ASTN2: variants seen among roughly 807,000 people sequenced by gnomAD.
ASTN2 encodes astrotactin 2, also known as astrotactin-2.
A neutral mutation model predicts 139.8 loss-of-function variants in ASTN2; 54 were observed. That is an observed-to-expected ratio of 0.39 (90% CI 0.31 to 0.48). The LOEUF (loss-of-function observed/expected upper bound fraction) is 0.48. ASTN2 is among the 20% of genes least tolerant of loss of function. The probability of loss-of-function intolerance (pLI) is 0.95; values close to 1 mark genes in which losing one functional copy is unlikely to be tolerated. For synonymous variants in ASTN2, 756 were observed against 719.5 expected, an observed-to-expected ratio of 1.05 and a Z score of -0.81; for missense variants, 1,565 against 1,725.1, an observed-to-expected ratio of 0.91 and a Z score of 1.64.
At chr9:117,186,281 C>T (rs989351164) in intron 3 of ASTN2, among the ~76,000 whole-genome samples, 7 of 152,010 alleles carry the variant, frequency 4.6e-5, no homozygotes, top group African/African-American at 7.3e-5. Context: ...GCGCGGTGGC[C>T]CACGCCTGTA....
At chr9:116,486,801 C>T (rs918325911) in intron 20 of ASTN2, among the ~76,000 whole-genome samples, 16 of 152,104 alleles carry the variant, frequency 1.1e-4, no homozygotes, top group African/African-American at 2.7e-4. Flanking sequence ...TCTTGCATCT[C>T]CAGAAGTTTG....
intron 1 of ASTN2, among the ~76,000 whole-genome samples, chr9:117,299,363 G>A (rs1834818988): frequency 6.6e-6 from 1 of 152,214 alleles, no homozygotes; most frequent in Admixed American, 6.5e-5. Context: ...CTTAGTCCAA[G>A]GGGCTGAGAA....
At chr9:116,987,186 T>TG (rs1836711729) in intron 7 of ASTN2, among the ~76,000 whole-genome samples, 2 of 152,362 alleles carry the variant, frequency 1.3e-5, no homozygotes, top group South Asian at 4.1e-4. Flanking sequence ...TCCCCAGTGC[T>TG]GGGGGAAGGA....
At chr9:117,255,358 G>A (rs900868389) in intron 2 of ASTN2, among the ~76,000 whole-genome samples, 6 of 152,220 alleles carry the variant, frequency 3.9e-5, no homozygotes, top group Non-Finnish European at 8.8e-5. Flanking sequence ...TGCCTACCAT[G>A]TGCTAAAGCA....
At chr9:116,480,665 T>G (rs1339181294) in intron 20 of ASTN2, among the ~76,000 whole-genome samples, 2 of 152,160 alleles carry the variant, frequency 1.3e-5, no homozygotes, top group Non-Finnish European at 2.9e-5. Flanking sequence ...CAAAGGAAGA[T>G]GTCTCTAAAG....
intron 20 of ASTN2, among the ~76,000 whole-genome samples, chr9:116,464,539 G>A (rs2118981138): frequency 6.6e-6 from 1 of 152,262 alleles, no homozygotes; most frequent in Non-Finnish European, 1.5e-5. Flanking sequence ...TATCTTCCTT[G>A]AGAGCAGTTA....
chr9:117,299,016 A>T (rs1834810113), intron 1 of ASTN2, among the ~76,000 whole-genome samples: 1 of 152,110 alleles, frequency 6.6e-6, no homozygotes, highest in African/African-American at 2.4e-5. Flanking sequence ...TGGAGCATGC[A>T]CATGAAAAGA....
chr9:117,108,806 A>G (rs534508938), intron 4 of ASTN2, among the ~76,000 whole-genome samples: 33 of 152,230 alleles, frequency 2.2e-4, no homozygotes, highest in Admixed American at 1.0e-3. Context: ...CATGCAACAA[A>G]CCAACCCAAA....
intron 22 of ASTN2, among the ~76,000 whole-genome samples, chr9:116,429,426 T>C (rs1414523284): frequency 2.0e-5 from 3 of 151,948 alleles, no homozygotes; most frequent in African/African-American, 2.4e-5. Flanking sequence ...AGGTGTTGGT[T>C]TGATTTTTCT....
Position 117,052,775 on chromosome 9 carries a change from A to C in ASTN2, c.1277-12810T>G, listed in dbSNP as rs918198719. Among the ~76,000 whole-genome samples the C allele has an allele frequency of 2.0e-5, 3 of 152,240 alleles. No individual in the cohort carries two copies. The East Asian group carries it at 5.8e-4, about 29-fold the overall frequency. On this transcript the variant is annotated intron_variant, in intron 5 of 22. Transcript: ENST00000313400. Reference sequence around the variant, plus strand: ...GCAACCTTTAGGTCTTCATTTTATAAATCAGAAAACCAGCTCAGGGAAGAG... The same window carrying C: ...GCAACCTTTAGGTCTTCATTTTATACATCAGAAAACCAGCTCAGGGAAGAG...
intron 5 of ASTN2, among the ~76,000 whole-genome samples, chr9:117,043,031 C>G (rs185016721): frequency 3.3e-5 from 5 of 152,028 alleles, no homozygotes; most frequent in South Asian, 2.1e-4. Context: ...CCACCACACC[C>G]AGCTAATTTT....
At chr9:117,342,478 T>C (rs1037075284) in intron 1 of ASTN2, among the ~76,000 whole-genome samples, 1 of 152,228 alleles carries the variant, frequency 6.6e-6, no homozygotes, top group African/African-American at 2.4e-5. Flanking sequence ...AAGTGAGTCC[T>C]GCCTCTGAAC....
chr9:116,934,853 T>C (rs960974840), intron 10 of ASTN2, among the ~76,000 whole-genome samples: 11 of 152,178 alleles, frequency 7.2e-5, no homozygotes, highest in African/African-American at 2.7e-4. Context: ...TGATTTTCTG[T>C]TGATGTTTAT....
At chr9:117,273,795 G>T (rs1834120671) in intron 2 of ASTN2, among the ~76,000 whole-genome samples, 1 of 152,154 alleles carries the variant, frequency 6.6e-6, no homozygotes, top group Non-Finnish European at 1.5e-5. Context: ...GCAGTTCTTT[G>T]TGGCTCCTAA....
chr9:117,330,174 ACC>A (rs1407952236), intron 1 of ASTN2, among the ~76,000 whole-genome samples: 2 of 152,176 alleles, frequency 1.3e-5, no homozygotes, highest in Non-Finnish European at 2.9e-5. Context: ...GCCCAAGTCA[ACC>A]TGGATGCTCC....
chr9:117,223,185 A>G (rs1028189397), intron 2 of ASTN2, among the ~76,000 whole-genome samples: 5 of 152,164 alleles, frequency 3.3e-5, no homozygotes, highest in African/African-American at 1.2e-4. Context: ...CAGGGATACC[A>G]TTGAGGTAGA....
At chr9:117,091,864 C>T (rs1271378255) in intron 5 of ASTN2, among the ~76,000 whole-genome samples, 1 of 152,140 alleles carries the variant, frequency 6.6e-6, no homozygotes, top group Non-Finnish European at 1.5e-5. Context: ...GATGATCACT[C>T]TGGCTACATG....
Position 117,244,763 on chromosome 9 carries a change from AGAGGGAAG to A in ASTN2, c.631-30029_631-30022del, listed in dbSNP as rs573602817. Among the ~76,000 whole-genome samples, 138 of 133,494 alleles carry A rather than the reference AGAGGGAAG, an allele frequency of 1.0e-3. No individual in the cohort carries two copies. The South Asian group carries it at 0.018, about 18-fold the overall frequency. 87.6% of individuals were successfully genotyped at this position (133,494 alleles called of 152,430 possible). A position where few individuals can be genotyped will look rare whatever the true frequency, so the allele number is the denominator to read the frequency against. On this transcript the variant is annotated intron_variant, in intron 2 of 22. Transcript: ENST00000313400. ...GGGAGGGAAGGAGGGAGGGAGGGAG[AGAGGGAAG>A]GAGGGAAGGAGGGATAGAGGGAAGG...
At chr9:117,120,352 G>A (rs62562240) in intron 4 of ASTN2, among the ~76,000 whole-genome samples, 1,852 of 152,082 alleles carry the variant, frequency 0.012, 23 homozygotes, top group Non-Finnish European at 0.016. Context: ...CCAACCAAAG[G>A]AGAGCCTGGG....
Sources: gnomAD v4.1 joint callset for allele counts (sites outside exome capture counted in the v4.1 genomes callset) on GRCh38, gnomAD v4.1.1 for gene constraint, MANE v1.5 for transcripts, NCBI Gene and HGNC (gene_info 2026-07-23, HGNC 2026-07-21) for gene names.